GALNT2: variants seen among roughly 807,000 people sequenced by gnomAD.
The protein encoded by GALNT2 is polypeptide N-acetylgalactosaminyltransferase 2.
GALNT2 carries 31 observed loss-of-function variants against 81.4 expected under a neutral mutation model. The ratio of observed to expected loss-of-function variants is 0.38; its 90% CI spans 0.29 to 0.51. The LOEUF (loss-of-function observed/expected upper bound fraction) is 0.51. Among genes scored for constraint, GALNT2 ranks in the 20% least tolerant of loss-of-function variants. The pLI is 0.87. For synonymous variants in GALNT2, 303 were observed against 287.4 expected (o/e 1.05, Z -0.55); for missense variants, 629 against 765.7 (o/e 0.82, Z 2.11).
At position 230,279,171 on chromosome 1, in the gene GALNT2, C is replaced by A; in HGVS notation, c.1561-132C>A. The A allele has an allele frequency of 1.0e-6, 1 of 974,112 alleles. No homozygotes were observed. Among genetic ancestry groups the A allele is most frequent in the Non-Finnish European group, 1.5e-6 (1 of 672,436 alleles). 60.3% of individuals were successfully genotyped at this position (974,112 alleles called of 1,614,324 possible). A position where few individuals can be genotyped will look rare whatever the true frequency, so the allele number is the denominator to read the frequency against. Reference sequence around the variant, plus strand: ...GGCTGCTGCAAGCTCCTCGGCCGTTCAGATGAGAGGCTGGGAAAAACGTGT... The same window carrying A: ...GGCTGCTGCAAGCTCCTCGGCCGTTAAGATGAGAGGCTGGGAAAAACGTGT... On this transcript the variant is annotated intron_variant, in intron 15 of 15. Transcript: ENST00000366672. The surrounding 1 kb of genome is among the most constrained non-coding windows in gnomAD (Gnocchi z 4.6).
chr1:230,146,978 A>G (rs1040919562), intron 1 of GALNT2, among the ~76,000 whole-genome samples: 1 of 152,120 alleles, frequency 6.6e-6, no homozygotes, highest in Admixed American at 6.5e-5. Flanking sequence ...GTGGCAGGGG[A>G]CAGACAGGAG....
At chr1:230,201,097 A>G (rs1663879403) in intron 2 of GALNT2, among the ~76,000 whole-genome samples, 1 of 152,184 alleles carries the variant, frequency 6.6e-6, no homozygotes, top group South Asian at 2.1e-4. Flanking sequence ...AGGCAGGAAG[A>G]TGAGGAGAGA....
chr1:230,204,598 T>G (rs1664005777), intron 3 of GALNT2, among the ~76,000 whole-genome samples: 1 of 152,204 alleles, frequency 6.6e-6, no homozygotes, highest in Non-Finnish European at 1.5e-5. Flanking sequence ...TGCATAACCC[T>G]CATTGTTATC....
intron 1 of GALNT2, among the ~76,000 whole-genome samples, chr1:230,059,805 A>G (rs1659001869): frequency 1.3e-5 from 2 of 151,842 alleles, no homozygotes; most frequent in Non-Finnish European, 2.9e-5. Context: ...CTCTCTCTAT[A>G]TTTTTCTTGA....
chr1:230,182,818 G>A (rs1663202301), intron 2 of GALNT2, among the ~76,000 whole-genome samples: 1 of 152,132 alleles, frequency 6.6e-6, no homozygotes, highest in Non-Finnish European at 1.5e-5. Context: ...GCCCATTTTT[G>A]ACAGAGGACT....
Position 230,279,275 on chromosome 1 carries a change from C to A in GALNT2, c.1561-28C>A. ...TTGTACTCCTTTGCTTGTGCCCACA[C>A]TCTAAGGCACTCTCCTGTGTCTTGC... On this transcript the variant is annotated intron_variant, in intron 15 of 15. Coordinates refer to ENST00000366672, the MANE Select transcript of GALNT2 (RefSeq NM_004481.5). The surrounding 1 kb of genome is among the most constrained non-coding windows in gnomAD (Gnocchi z 4.6). 1 of 1,604,642 alleles carries A rather than the reference C, an allele frequency of 6.2e-7. No individual in the cohort carries two copies. Among genetic ancestry groups the A allele is most frequent in the Admixed American group, 1.7e-5 (1 of 59,518 alleles).
rs771338113 is a variant in GALNT2, at chr1:230,243,295, C to T, written c.608-11C>T. 46 of 1,590,054 alleles carry T rather than the reference C, an allele frequency of 2.9e-5. No individual in the cohort carries two copies. Among genetic ancestry groups the T allele is most frequent in the Middle Eastern group, 1.7e-4 (1 of 6,026 alleles). On this transcript the variant is annotated splice_polypyrimidine_tract_variant and intron_variant, in intron 6 of 15. Coordinates refer to ENST00000366672, the MANE Select transcript of GALNT2 (RefSeq NM_004481.5). This position sits in a 1 kb window ranked among gnomAD's most constrained non-coding sequence, Gnocchi z 4.2. ...CTCTCTCCTGACGTGCTTTCCAACT[C>T]GCCTCTGCAGGCCTCATGCGCTCAC...
rs1665740091 is a variant in GALNT2 at position 230,257,181 on chromosome 1, C to T, written c.1136+1837C>T. ...TGTTATTTGATTCTGAAGGAAAACA[C>T]TGGGGCTTTTCAGCAGTGCCTGATG... On this transcript the variant is annotated intron_variant, in intron 11 of 15. Coordinates refer to ENST00000366672, the MANE Select transcript of GALNT2 (RefSeq NM_004481.5). The surrounding 1 kb of genome is among the most constrained non-coding windows in gnomAD (Gnocchi z 4.6). 6.6e-6 allele frequency among the ~76,000 whole-genome samples: 1 copy of T among 152,252 alleles called. No individual in the cohort carries two copies. Among genetic ancestry groups the T allele is most frequent in the Admixed American group, 6.5e-5 (1 of 15,286 alleles).
At chr1:230,192,776 ACTT>A (rs1341671403) in intron 2 of GALNT2, among the ~76,000 whole-genome samples, 1 of 152,124 alleles carries the variant, frequency 6.6e-6, no homozygotes, top group Non-Finnish European at 1.5e-5. Context: ...GCTTTTTATC[ACTT>A]CTTTGGATTT....
chr1:230,110,814 G>A lies in GALNT2; in HGVS notation c.126+43408G>A, dbSNP rs543939351. ...TTGAGCATGAGTTGAGAGGAGTTTGGACATCAGCCTGACCGTGGAAAACTG... is the reference window on the plus strand; with the variant it reads ...TTGAGCATGAGTTGAGAGGAGTTTGAACATCAGCCTGACCGTGGAAAACTG... On this transcript the variant is annotated intron_variant, in intron 1 of 15. Coordinates refer to ENST00000366672, the MANE Select transcript of GALNT2 (RefSeq NM_004481.5). 1.1e-3 allele frequency among the ~76,000 whole-genome samples: 168 copies of A among 151,716 alleles called. 2 individuals carry two copies. The highest frequency in any genetic ancestry group is 1.6e-3 in the Non-Finnish European group (108 of 67,922).
chr1:230,216,479 T>C (rs924228773), intron 3 of GALNT2, among the ~76,000 whole-genome samples: 7 of 152,180 alleles, frequency 4.6e-5, no homozygotes, highest in Non-Finnish European at 8.8e-5. Flanking sequence ...TCTCACCCCG[T>C]TGCCCAAGCT....
At chr1:230,242,122 T>G (rs1010468997) in intron 6 of GALNT2, among the ~76,000 whole-genome samples, 1 of 152,194 alleles carries the variant, frequency 6.6e-6, no homozygotes, top group Non-Finnish European at 1.5e-5. Context: ...TTGCAGTGGA[T>G]TGGAGCGCAT....
chr1:230,152,599 T>C (rs1662124429), intron 1 of GALNT2, among the ~76,000 whole-genome samples: 1 of 152,176 alleles, frequency 6.6e-6, no homozygotes, highest in African/African-American at 2.4e-5. Flanking sequence ...TACATCAAAT[T>C]TATTTGTTAC....
rs906526507 is a variant in GALNT2, at chr1:230,271,657, C to T, written c.1441-2788C>T. On this transcript the variant is annotated intron_variant, in intron 14 of 15. Transcript: ENST00000366672. The surrounding 1 kb of genome is among the most constrained non-coding windows in gnomAD (Gnocchi z 4.2). ...TCATAGAACTCAGGAAAACGGTTTA[C>T]TTCGTGGCTTACCTGTTCATTAGGA... Among the ~76,000 whole-genome samples the T allele has an allele frequency of 6.6e-6, 1 of 152,242 alleles. No homozygotes were observed. Among genetic ancestry groups the T allele is most frequent in the African/African-American group, 2.4e-5 (1 of 41,440 alleles).
rs34868862 is a variant in GALNT2 at position 230,269,731 on chromosome 1, C to CAA, written c.1440+4377_1440+4378dup. Among the ~76,000 whole-genome samples the CAA allele has an allele frequency of 2.9e-4, 33 of 113,232 alleles. No homozygotes were observed. In the South Asian group the frequency reaches 3.8e-3, roughly 13 times the overall value. 74.3% of individuals were successfully genotyped at this position (113,232 alleles called of 152,430 possible). ...ACAACATAGGGAAGCTCCGTCTTTA[C>CAA]AAAAAAAAAAAAAAGATTAGCCAGT... On this transcript the variant is annotated intron_variant, in intron 14 of 15. Transcript: ENST00000366672.
At chr1:230,072,051 G>A (rs761496556) in intron 1 of GALNT2, among the ~76,000 whole-genome samples, 42 of 152,134 alleles carry the variant, frequency 2.8e-4, no homozygotes, top group Non-Finnish European at 3.7e-4. Flanking sequence ...AAGGTTTTAT[G>A]AGTCTTCAGA....
rs1298178076 is a variant in GALNT2, at chr1:230,271,639, A to G, written c.1441-2806A>G. On this transcript the variant is annotated intron_variant, in intron 14 of 15. Coordinates refer to ENST00000366672, the MANE Select transcript of GALNT2 (RefSeq NM_004481.5). The surrounding 1 kb of genome is among the most constrained non-coding windows in gnomAD (Gnocchi z 4.2). The stretch of plus-strand genomic sequence containing the variant: ...TTCATTTGCAAGAATAGTTCATAGA[A>G]CTCAGGAAAACGGTTTACTTCGTGG... Among the ~76,000 whole-genome samples, 1 of 152,252 alleles carries G rather than the reference A, an allele frequency of 6.6e-6. No individual in the cohort carries two copies. The highest frequency in any genetic ancestry group is 2.4e-5 in the African/African-American group (1 of 41,472).
intron 1 of GALNT2, among the ~76,000 whole-genome samples, chr1:230,120,914 G>A (rs1024692956): frequency 6.6e-6 from 1 of 152,198 alleles, no homozygotes; most frequent in Non-Finnish European, 1.5e-5. Context: ...GATAGGCTGA[G>A]TGGCTTATAT....
chr1:230,114,644 C>T (rs1472541504), intron 1 of GALNT2, among the ~76,000 whole-genome samples: 3 of 152,092 alleles, frequency 2.0e-5, no homozygotes, highest in Non-Finnish European at 4.4e-5. Context: ...AACTGGCCTG[C>T]GGGCTGGAAA....
Sources: allele counts gnomAD v4.1 joint callset (sites outside exome capture counted in the v4.1 genomes callset), GRCh38; gene constraint gnomAD v4.1.1; non-coding constraint Gnocchi (gnomAD v3.1); transcripts MANE v1.5; gene names NCBI Gene and HGNC (gene_info 2026-07-23, HGNC 2026-07-21).